SLC30A6: variants seen among roughly 807,000 people sequenced by gnomAD.
SLC30A6 encodes the protein zinc transporter 6.
Under a neutral mutation model 63.0 loss-of-function variants are expected in SLC30A6, and 55 were observed. That is an observed-to-expected ratio of 0.87 (90% CI 0.70 to 1.09). The LOEUF is 1.09. Among genes scored for constraint, SLC30A6 ranks in the 50% least tolerant of loss-of-function variants. The probability of loss-of-function intolerance (pLI) is 0.00; values close to 1 mark genes in which losing one functional copy is unlikely to be tolerated. For synonymous variants in SLC30A6, 224 were observed against 186.1 expected (o/e 1.20, Z -1.66); for missense variants, 587 against 549.2 (o/e 1.07, Z -0.69).
At chr2:32,200,761 C>G (rs958509760) in intron 10 of SLC30A6, among the ~76,000 whole-genome samples, 1 of 152,114 alleles carries the variant, frequency 6.6e-6, no homozygotes, top group Non-Finnish European at 1.5e-5. Flanking sequence ...TGTCTGTTGA[C>G]CTTCCCTCCA....
intron 13 of SLC30A6, among the ~76,000 whole-genome samples, chr2:32,216,588 T>A (rs1685732573): frequency 6.7e-6 from 1 of 148,526 alleles, no homozygotes. Context: ...TAAATAATAA[T>A]AATGATAGTA....
At position 32,205,170 on chromosome 2, in the gene SLC30A6, C is replaced by A. The variant is rs946901378; in HGVS notation, c.768+478C>A. 7.9e-5 allele frequency among the ~76,000 whole-genome samples: 12 copies of A among 152,168 alleles called. No homozygotes were observed. The East Asian group carries it at 1.9e-3, about 24-fold the overall frequency. On this transcript the variant is annotated intron_variant, in intron 11 of 13. Coordinates refer to ENST00000282587, the MANE Select transcript of SLC30A6 (RefSeq NM_017964.5). Reference sequence around the variant, plus strand: ...GAGAGGTGGCTCACGCTTGTAATCCCAGCACTTTGGGAGGCCAAGGCGGGC... The same window carrying A: ...GAGAGGTGGCTCACGCTTGTAATCCAAGCACTTTGGGAGGCCAAGGCGGGC...
At chr2:32,219,988 C>A (rs557599443) in intron 13 of SLC30A6, among the ~76,000 whole-genome samples, 90 of 152,002 alleles carry the variant, frequency 5.9e-4, no homozygotes, top group African/African-American at 2.1e-3. Context: ...CTATCTTGTT[C>A]CTACATGGAT....
At chr2:32,208,408 G>A (rs896804440) in intron 12 of SLC30A6, among the ~76,000 whole-genome samples, 2 of 152,120 alleles carry the variant, frequency 1.3e-5, no homozygotes, top group African/African-American at 2.4e-5. Context: ...TGGGATTACA[G>A]GCATGAGCCA....
Position 32,220,842 on chromosome 2 carries a change from C to T in SLC30A6, c.*129C>T. On this transcript the variant is annotated 3_prime_UTR_variant, in exon 14 of 14. Transcript: ENST00000282587. The stretch of plus-strand genomic sequence containing the variant: ...GATAATAGTAGTCTTGTTCACATTT[C>T]ATGAAACCTATGAAACTATATTTTT... The T allele has an allele frequency of 1.2e-6, 1 of 846,048 alleles. No homozygotes were observed. Among genetic ancestry groups the T allele is most frequent in the Non-Finnish European group, 1.8e-6 (1 of 564,392 alleles). 52.4% of individuals were successfully genotyped at this position (846,048 alleles called of 1,614,324 possible). A position where few individuals can be genotyped will look rare whatever the true frequency, so the allele number is the denominator to read the frequency against.
chr2:32,186,310 T>C (rs982121614), intron 5 of SLC30A6, among the ~76,000 whole-genome samples: 1 of 152,124 alleles, frequency 6.6e-6, no homozygotes, highest in African/African-American at 2.4e-5. Context: ...CTTGAGAGAG[T>C]TGCATTATCA....
At chr2:32,216,212 C>A (rs1685687698) in intron 13 of SLC30A6, among the ~76,000 whole-genome samples, 1 of 152,120 alleles carries the variant, frequency 6.6e-6, no homozygotes, top group Non-Finnish European at 1.5e-5. Context: ...TGCAGCCTCA[C>A]CAGCATCTGT....
chr2:32,175,474 A>G (rs1247194444), intron 4 of SLC30A6, 113 bp downstream of exon 4: 5 of 832,954 alleles, frequency 6.0e-6, no homozygotes, highest in South Asian at 1.6e-5. Flanking sequence ...CTTACAAGAA[A>G]ACAATAAAAA....
At chr2:32,169,616 A>T (rs1486994532) in intron 1 of SLC30A6, among the ~76,000 whole-genome samples, 1 of 152,168 alleles carries the variant, frequency 6.6e-6, no homozygotes, top group African/African-American at 2.4e-5. Context: ...GTCTCTACTA[A>T]AGGTAAAAAA....
rs1406746297 is a variant in SLC30A6, at chr2:32,203,299, A to G, written c.666-1291A>G. Reference sequence around the variant, plus strand: ...ATCAACCAAGAGAAAGAGGTCAACTAAGATATGTGGAACAAAAAGTAGGAA... The same window carrying G: ...ATCAACCAAGAGAAAGAGGTCAACTGAGATATGTGGAACAAAAAGTAGGAA... On this transcript the variant is annotated intron_variant, in intron 10 of 13. Coordinates refer to ENST00000282587, the MANE Select transcript of SLC30A6 (RefSeq NM_017964.5). 2.3e-5 allele frequency: 21 copies of G among 921,100 alleles called. No individual in the cohort carries two copies. In the East Asian group the frequency reaches 4.3e-4, roughly 19 times the overall value. 57.1% of individuals were successfully genotyped at this position (921,100 alleles called of 1,614,324 possible).
intron 12 of SLC30A6, among the ~76,000 whole-genome samples, chr2:32,208,207 T>A (rs1684950271): frequency 6.6e-6 from 1 of 151,710 alleles, no homozygotes; most frequent in African/African-American, 2.4e-5. Context: ...CTTGGTTCAC[T>A]GCAACCTCCG....
At chr2:32,206,440 CAA>C (rs35790322) in intron 11 of SLC30A6, among the ~76,000 whole-genome samples, 1,553 of 146,516 alleles carry the variant, frequency 0.011, 30 homozygotes, top group African/African-American at 0.035. Context: ...AGCGAGATTC[CAA>C]AAAAAAAAAA....
Position 32,200,031 on chromosome 2 carries a change from C to T in SLC30A6, c.665+2205C>T, listed in dbSNP as rs1357645291. Among the ~76,000 whole-genome samples, 4 of 152,020 alleles carry T rather than the reference C, an allele frequency of 2.6e-5. No individual in the cohort carries two copies. The East Asian group carries it at 7.7e-4, about 29-fold the overall frequency. ...CTGGGAGGCTGAAGCAGGAGAATCG[C>T]TTGAACCCAGGAAGTGGAGGAGGTT... On this transcript the variant is annotated intron_variant, in intron 10 of 13. Transcript: ENST00000282587.
At position 32,174,055 on chromosome 2, in the gene SLC30A6, T is replaced by A. The variant is rs758394969; in HGVS notation, c.91-8T>A. 16 of 1,609,502 alleles carry A rather than the reference T, an allele frequency of 9.9e-6. No individual in the cohort carries two copies. The highest frequency in any genetic ancestry group is 1.0e-5 in the Non-Finnish European group (12 of 1,177,868). On this transcript the variant is annotated splice_polypyrimidine_tract_variant and splice_region_variant and intron_variant, in intron 2 of 13. Transcript: ENST00000282587. ...CTGTACACATAAGAGTGATTTTTAT[T>A]TTCACAGTCCTGGAAGATACTGCTC...
chr2:32,213,368 A>G (rs980711533), intron 13 of SLC30A6, among the ~76,000 whole-genome samples: 13 of 143,424 alleles, frequency 9.1e-5, no homozygotes, highest in Non-Finnish European at 1.6e-4. Context: ...GGCTCAGACT[A>G]TTCCAGCCCT....
chr2:32,199,175 AT>A (rs757624915), intron 10 of SLC30A6, among the ~76,000 whole-genome samples: 1 of 152,184 alleles, frequency 6.6e-6, no homozygotes, highest in Non-Finnish European at 1.5e-5. Flanking sequence ...TTCCTTTTTA[AT>A]TGGAATGCTG....
chr2:32,187,366 C>T, intron 5 of SLC30A6: 1 of 403,996 alleles, frequency 2.5e-6, no homozygotes, highest in Non-Finnish European at 4.9e-6. Flanking sequence ...TTCAGAAAAT[C>T]ATGAGAAAGA....
chr2:32,216,922 T>C (rs1424417658), intron 13 of SLC30A6, among the ~76,000 whole-genome samples: 1 of 152,046 alleles, frequency 6.6e-6, no homozygotes, highest in African/African-American at 2.4e-5. Flanking sequence ...GAAGTCTAGC[T>C]CTGTCACCCA....
rs1686289718 is a variant in SLC30A6, at chr2:32,224,115, TA to T, written c.*3404del. 6.0e-6 allele frequency: 1 copy of T among 165,780 alleles called. No individual in the cohort carries two copies. Among genetic ancestry groups the T allele is most frequent in the Non-Finnish European group, 1.3e-5 (1 of 77,234 alleles). 10.3% of individuals were successfully genotyped at this position (165,780 alleles called of 1,614,324 possible). On this transcript the variant is annotated 3_prime_UTR_variant, in exon 14 of 14. Transcript: ENST00000282587. Reference sequence around the variant, plus strand: ...ATGGAGTTTCCTCTCTGGTTTTAAATAATCTTTCTTTATTCAGTAGCTATTA... The same window carrying T: ...ATGGAGTTTCCTCTCTGGTTTTAAATATCTTTCTTTATTCAGTAGCTATTA...
Sources: gnomAD v4.1 joint callset for allele counts (sites outside exome capture counted in the v4.1 genomes callset) on GRCh38, gnomAD v4.1.1 for gene constraint, MANE v1.5 for transcripts, NCBI Gene and HGNC (gene_info 2026-07-23, HGNC 2026-07-21) for gene names.